Variants in FBXL5 observed in about 807,000 individuals in gnomAD.
FBXL5 encodes F-box/LRR-repeat protein 5.
Under a neutral mutation model 78.3 loss-of-function variants are expected in FBXL5, and 26 were observed. That is an observed-to-expected ratio of 0.33 (90% CI 0.24 to 0.46). FBXL5 has a LOEUF of 0.46. FBXL5 is among the 20% of genes least tolerant of loss of function. The pLI, the probability that FBXL5 is intolerant of heterozygous loss-of-function variation, is 1.00. For missense variants in FBXL5, 710 were observed against 829.2 expected (o/e 0.86, Z 1.77); for synonymous variants, 295 against 282.5 (o/e 1.04, Z -0.45).
At chr4:15,648,788 G>A (rs1319758181) in intron 1 of FBXL5, among the ~76,000 whole-genome samples, 1 of 152,112 alleles carries the variant, frequency 6.6e-6, no homozygotes, top group Non-Finnish European at 1.5e-5. Context: ...GGGATATAAG[G>A]TACAGTATGG....
At chr4:15,654,465 T>G (rs981648846) in intron 1 of FBXL5, among the ~76,000 whole-genome samples, 1 of 152,194 alleles carries the variant, frequency 6.6e-6, no homozygotes, top group African/African-American at 2.4e-5. Flanking sequence ...CAACTTTTCC[T>G]GAGGCCCCCT....
chr4:15,680,716 T>A (rs1259768761), intron 1 of FBXL5, among the ~76,000 whole-genome samples: 1 of 151,962 alleles, frequency 6.6e-6, no homozygotes, highest in Non-Finnish European at 1.5e-5. Flanking sequence ...ATCAAAAATT[T>A]TTAAAAATTT....
chr4:15,604,725 A>G lies in FBXL5; in HGVS notation c.*998T>C, dbSNP rs1383971575. 4 of 152,236 alleles carry G rather than the reference A, an allele frequency of 2.6e-5. No individual in the cohort carries two copies. The highest frequency in any genetic ancestry group is 4.8e-5 in the African/African-American group (2 of 41,472). The allele number at this position is 152,236 out of a possible 1,614,324, so 9.4% of individuals were successfully genotyped here. On this transcript the variant is annotated 3_prime_UTR_variant, in exon 11 of 11. Transcript: ENST00000341285. ...TGCCATTTTCTTCTACATGACATAA[A>G]ATTGTACTAAAAGGCACTAGTATGT...
At chr4:15,635,384 T>C (rs1274311496) in intron 5 of FBXL5, among the ~76,000 whole-genome samples, 1 of 150,950 alleles carries the variant, frequency 6.6e-6, no homozygotes, top group African/African-American at 2.4e-5. Context: ...TGCTTTTAAA[T>C]CAGACTCATG....
intron 1 of FBXL5, among the ~76,000 whole-genome samples, chr4:15,679,562 C>CAAAAAAAAAA (rs1202369624): frequency 1.1e-5 from 1 of 94,402 alleles, no homozygotes; most frequent in Non-Finnish European, 2.3e-5. Context: ...AGTTCAGGAA[C>CAAAAAAAAAA]AAAAAAAAAA....
At chr4:15,611,203 C>T (rs1482683207) in intron 10 of FBXL5, among the ~76,000 whole-genome samples, 3 of 152,110 alleles carry the variant, frequency 2.0e-5, no homozygotes, top group Non-Finnish European at 2.9e-5. Context: ...TCCTGCATAA[C>T]AATGTGATTC....
upstream of FBXL5, chr4:15,656,419 G>C (rs1410387400): frequency 1.5e-5 from 6 of 397,554 alleles, no homozygotes; most frequent in Non-Finnish European, 3.0e-5. Flanking sequence ...TTAATGGCCA[G>C]AACCTCCAGG....
chr4:15,656,572 T>A (rs1716967510), upstream of FBXL5, among the ~76,000 whole-genome samples: 1 of 152,230 alleles, frequency 6.6e-6, no homozygotes, highest in Admixed American at 6.5e-5. Context: ...ATGCACCCTA[T>A]TTAGTTCTAA....
intron 9 of FBXL5, among the ~76,000 whole-genome samples, chr4:15,621,930 G>A (rs1212284220): frequency 2.0e-5 from 3 of 152,186 alleles, no homozygotes; most frequent in Admixed American, 1.3e-4. Flanking sequence ...CAGGGCTCAA[G>A]TCATCCTCCC....
rs770217415 is a variant in FBXL5, at chr4:15,625,550, A to G, written c.1552T>C (p.Ser518Pro). 5 of 1,614,086 alleles carry G rather than the reference A, an allele frequency of 3.1e-6. No homozygotes were observed. The African/African-American group carries it at 4.0e-5, about 13-fold the overall frequency. ...ACAATGTCCTTACTAAAACAACCAG[A>G]GGTGGAACAACTAAAGTTGGATGCT... is the stretch of plus-strand genomic sequence containing the variant. The part of the protein sequence containing the change: ...ETASNFSCST[S>P]GCFSKDIVGL... Residue 518 changes from serine to proline, a missense_variant, in exon 9 of 11, where the codon TCT becomes CCT. Ser to Pro is a moderately conservative substitution (Grantham distance 74). This residue lies in a region of FBXL5 where 517 missense variants were observed against 542.9 expected (regional missense o/e 0.95). Transcript: ENST00000341285.
At chr4:15,660,082 AT>A (rs773132678), upstream of FBXL5, among the ~76,000 whole-genome samples, 579 of 140,118 alleles carry the variant, frequency 4.1e-3, no homozygotes, top group Admixed American at 4.0e-3. Context: ...TACCCCTGAC[AT>A]TTTTTTTTTT....
At chr4:15,645,426 T>C (rs1275241319) in intron 1 of FBXL5, among the ~76,000 whole-genome samples, 3 of 151,866 alleles carry the variant, frequency 2.0e-5, no homozygotes, top group African/African-American at 4.8e-5. Flanking sequence ...TAAGTTACTT[T>C]TCTTTCTTTC....
chr4:15,642,683 C>T (rs1377952134), intron 2 of FBXL5, among the ~76,000 whole-genome samples: 2 of 152,168 alleles, frequency 1.3e-5, no homozygotes, highest in African/African-American at 4.8e-5. Context: ...CTAAGCATAT[C>T]CACATGGCTT....
At chr4:15,617,323 C>T (rs1390842006) in intron 9 of FBXL5, among the ~76,000 whole-genome samples, 1 of 152,084 alleles carries the variant, frequency 6.6e-6, no homozygotes, top group Non-Finnish European at 1.5e-5. Flanking sequence ...AGGTGGACTG[C>T]CTGAGCTCAG....
At chr4:15,670,631 G>A (rs1717721709) in intron 1 of FBXL5, among the ~76,000 whole-genome samples, 1 of 151,556 alleles carries the variant, frequency 6.6e-6, no homozygotes, top group Non-Finnish European at 1.5e-5. Flanking sequence ...CCCTGCCCCT[G>A]GGCCCCTCCC....
intron 6 of FBXL5, among the ~76,000 whole-genome samples, chr4:15,629,653 A>G (rs1259202898): frequency 6.6e-6 from 1 of 152,128 alleles, no homozygotes; most frequent in African/African-American, 2.4e-5. Context: ...TGCCACAGGT[A>G]AGCACATCAC....
At chr4:15,613,455 T>C (rs1003178082) in intron 9 of FBXL5, among the ~76,000 whole-genome samples, 6 of 152,130 alleles carry the variant, frequency 3.9e-5, no homozygotes, top group Admixed American at 1.3e-4. Context: ...CTCCTTGTAT[T>C]TGGATGTTTA....
At chr4:15,672,139 G>A (rs918833329) in intron 1 of FBXL5, among the ~76,000 whole-genome samples, 2 of 152,154 alleles carry the variant, frequency 1.3e-5, no homozygotes, top group Non-Finnish European at 2.9e-5. Flanking sequence ...ATGCTTTCAG[G>A]CCTTGCTTTA....
intron 7 of FBXL5, among the ~76,000 whole-genome samples, chr4:15,627,532 A>G (rs1215389661): frequency 2.0e-5 from 3 of 152,334 alleles, no homozygotes; most frequent in South Asian, 4.1e-4. Flanking sequence ...CCACTTTTAT[A>G]AAACAGTGAT....
Sources: gnomAD v4.1 joint callset for allele counts (sites outside exome capture counted in the v4.1 genomes callset) on GRCh38, gnomAD v4.1.1 for gene constraint, gnomAD v4.1.1 regional missense constraint, MANE v1.5 for transcripts, NCBI Gene and HGNC (gene_info 2026-07-23, HGNC 2026-07-21) for gene names.